The following SEC24A variants were observed in gnomAD, a reference collection of about 807,000 sequenced individuals.
SEC24A encodes SEC24 homolog A, COPII component.
Under a neutral mutation model 129.4 loss-of-function variants are expected in SEC24A, and 93 were observed. The ratio of observed to expected loss-of-function variants is 0.72; its 90% CI spans 0.61 to 0.85. The LOEUF (loss-of-function observed/expected upper bound fraction) is 0.85, where lower values mean the gene tolerates loss of function less well. Among genes scored for constraint, SEC24A ranks in the 40% least tolerant of loss-of-function variants. The pLI is 0.00. For missense variants in SEC24A, 1,264 were observed against 1,307.4 expected (o/e 0.97, Z 0.51); for synonymous variants, 460 against 467.3 (o/e 0.98, Z 0.20).
Position 134,682,364 on chromosome 5 carries a change from T to G in SEC24A, c.1382-9T>G, listed in dbSNP as rs1301701971. 5 of 1,475,288 alleles carry G rather than the reference T, an allele frequency of 3.4e-6. No individual in the cohort carries two copies. Among genetic ancestry groups the G allele is most frequent in the Non-Finnish European group, 4.7e-6 (5 of 1,061,500 alleles). The allele number at this position is 1,475,288 out of a possible 1,614,324, so 91.4% of individuals were successfully genotyped here. Reference sequence around the variant, plus strand: ...TTTTTTCAATATGTGTATTGTTAACTTTATATAGTTCCTGAAGAATTCTTG... The same window carrying G: ...TTTTTTCAATATGTGTATTGTTAACGTTATATAGTTCCTGAAGAATTCTTG... On this transcript the variant is annotated splice_polypyrimidine_tract_variant and intron_variant, in intron 8 of 22. Transcript: ENST00000398844.
At chr5:134,689,191 T>A (rs895235599) in intron 11 of SEC24A, among the ~76,000 whole-genome samples, 7 of 152,190 alleles carry the variant, frequency 4.6e-5, no homozygotes, top group Admixed American at 4.6e-4. Flanking sequence ...TGCCACTAGA[T>A]GTGGAAACAT....
At chr5:134,719,604 C>T (rs757121869) in intron 20 of SEC24A, among the ~76,000 whole-genome samples, 24 of 150,450 alleles carry the variant, frequency 1.6e-4, no homozygotes, top group Non-Finnish European at 3.0e-4. Flanking sequence ...GGGAAGATCA[C>T]CTGAACCCAG....
intron 15 of SEC24A, among the ~76,000 whole-genome samples, chr5:134,699,944 G>A (rs1185864525): frequency 3.3e-5 from 5 of 151,626 alleles, no homozygotes; most frequent in East Asian, 1.9e-4. Context: ...CAGGTGATCC[G>A]CCTACCTTGG....
intron 19 of SEC24A, among the ~76,000 whole-genome samples, chr5:134,717,776 G>A (rs1465022310): frequency 6.8e-6 from 1 of 147,406 alleles, no homozygotes; most frequent in Non-Finnish European, 1.5e-5. Context: ...TTAGCTGGGT[G>A]TTGTGGTGCA....
chr5:134,649,812 T>G (rs1044387670), intron 1 of SEC24A, among the ~76,000 whole-genome samples: 13 of 152,246 alleles, frequency 8.5e-5, no homozygotes, highest in Admixed American at 6.5e-5. Context: ...AGAGTCTACA[T>G]GTACATTATA....
At chr5:134,705,083 TATATATA>T (rs546758617) in intron 16 of SEC24A, among the ~76,000 whole-genome samples, 117 of 130,962 alleles carry the variant, frequency 8.9e-4, no homozygotes, top group African/African-American at 3.3e-3. Flanking sequence ...TATATATATA[TATATATA>T]TTTTTTTTTT....
intron 3 of SEC24A, among the ~76,000 whole-genome samples, chr5:134,668,501 G>A (rs1033777224): frequency 6.6e-6 from 1 of 151,832 alleles, no homozygotes; most frequent in African/African-American, 2.4e-5. Context: ...CGAGGTGGGC[G>A]GATCACCTAA....
At chr5:134,712,607 C>A (rs1752359487) in intron 18 of SEC24A, among the ~76,000 whole-genome samples, 1 of 151,162 alleles carries the variant, frequency 6.6e-6, no homozygotes, top group South Asian at 2.1e-4. Flanking sequence ...TATAAGTACA[C>A]AGATTACATA....
At chr5:134,673,685 C>T (rs1186246140) in intron 4 of SEC24A, among the ~76,000 whole-genome samples, 10 of 151,918 alleles carry the variant, frequency 6.6e-5, no homozygotes, top group Non-Finnish European at 1.0e-4. Context: ...TCTCCAACTC[C>T]TGACCTCAAA....
intron 1 of SEC24A, among the ~76,000 whole-genome samples, chr5:134,654,707 A>AGTTTT (rs1303947142): frequency 3.9e-5 from 6 of 151,946 alleles, no homozygotes; most frequent in East Asian, 1.9e-4. Flanking sequence ...TAGAAACTGC[A>AGTTTT]GTTTTGTTTT....
chr5:134,661,238 C>T lies in SEC24A; in HGVS notation c.217C>T (p.Gln73Ter). The T allele has an allele frequency of 6.2e-7, 1 of 1,614,128 alleles. No individual in the cohort carries two copies. The highest frequency in any genetic ancestry group is 8.5e-7 in the Non-Finnish European group (1 of 1,179,990). ...AAAGACTTTGAATCCAGTCTCTGGACAGTCTAACTATGGTGGTTCTCAGGG... is the reference window on the plus strand; with the variant it reads ...AAAGACTTTGAATCCAGTCTCTGGATAGTCTAACTATGGTGGTTCTCAGGG... ...PAKTLNPVSG[Q>*]SNYGGSQGSG... is the part of the protein sequence containing the mutation. The change falls in exon 2 of 23, where the codon CAG (glutamine) becomes TAG (stop). Residue 73 changes from glutamine (Q) to a stop codon, truncating the protein, a stop_gained. Coordinates refer to ENST00000398844, the MANE Select transcript of SEC24A (RefSeq NM_021982.3). LOFTEE classifies it high-confidence loss of function.
intron 3 of SEC24A, among the ~76,000 whole-genome samples, chr5:134,667,569 G>T (rs1461858891): frequency 3.3e-5 from 5 of 149,930 alleles, no homozygotes; most frequent in African/African-American, 1.2e-4. Flanking sequence ...CAGAAGAATG[G>T]CGTGAACCCG....
At chr5:134,705,471 A>G in intron 17 of SEC24A, 34 bp downstream of exon 17, 2 of 1,359,894 alleles carry the variant, frequency 1.5e-6, no homozygotes, top group Non-Finnish European at 2.1e-6. Flanking sequence ...ATATCTTACA[A>G]GTAATAACAT....
At chr5:134,694,246 C>T (rs945992190) in intron 13 of SEC24A, among the ~76,000 whole-genome samples, 9 of 152,080 alleles carry the variant, frequency 5.9e-5, no homozygotes, top group Non-Finnish European at 5.9e-5. Context: ...TCTTATTTGG[C>T]TGGGCGTGGT....
chr5:134,666,480 C>A (rs1750662236), intron 2 of SEC24A, among the ~76,000 whole-genome samples: 1 of 151,944 alleles, frequency 6.6e-6, no homozygotes, highest in South Asian at 2.1e-4. Flanking sequence ...GCTCTTGAAC[C>A]CGGGAGGTGG....
In SEC24A at chr5:134,706,037, G is replaced by A. The variant is rs1037287622; in HGVS notation, c.2551+600G>A. Among the ~76,000 whole-genome samples, 5 of 151,874 alleles carry A rather than the reference G, an allele frequency of 3.3e-5. No homozygotes were observed. In the South Asian group the frequency reaches 8.3e-4, roughly 25 times the overall value. On this transcript the variant is annotated intron_variant, in intron 17 of 22. Transcript: ENST00000398844. ...CGAGTAGCTGGGATTACAGGCATGCGCCACCATGCCCAGCTAATTTTTGTA... is the reference window on the plus strand; with the variant it reads ...CGAGTAGCTGGGATTACAGGCATGCACCACCATGCCCAGCTAATTTTTGTA...
In SEC24A at chr5:134,705,446, T is replaced by C. The variant is rs1457417881; in HGVS notation, c.2551+9T>C. On this transcript the variant is annotated intron_variant, in intron 17 of 22. Coordinates refer to ENST00000398844, the MANE Select transcript of SEC24A (RefSeq NM_021982.3). ...GTTATTGGCCAATATGGGTAAGAGT[T>C]GTTATCTGTTATAAATATCTTACAA... 1.3e-6 allele frequency: 2 copies of C among 1,513,564 alleles called. No homozygotes were observed. 93.8% of individuals were successfully genotyped at this position (1,513,564 alleles called of 1,614,324 possible). A position where few individuals can be genotyped will look rare whatever the true frequency, so the allele number is the denominator to read the frequency against.
chr5:134,723,000 C>T (rs767510060), intron 21 of SEC24A, among the ~76,000 whole-genome samples: 8 of 151,816 alleles, frequency 5.3e-5, no homozygotes, highest in Non-Finnish European at 1.0e-4. Flanking sequence ...ACTAAAAATA[C>T]AAAAATTACC....
chr5:134,706,176 C>T (rs1380550219), intron 17 of SEC24A, among the ~76,000 whole-genome samples: 3 of 152,154 alleles, frequency 2.0e-5, no homozygotes, highest in Admixed American at 6.6e-5. Context: ...CGTGAGCCAC[C>T]GTGCCTGGCC....
Sources: gnomAD v4.1 joint callset for allele counts (sites outside exome capture counted in the v4.1 genomes callset) on GRCh38, gnomAD v4.1.1 for gene constraint, MANE v1.5 for transcripts, NCBI Gene and HGNC (gene_info 2026-07-23, HGNC 2026-07-21) for gene names.